Variants in CPSF7 observed in about 807,000 individuals in gnomAD.
CPSF7 encodes the protein cleavage and polyadenylation specific factor 7.
In CPSF7, 1 loss-of-function variant was observed where a neutral mutation model predicts 44.3. That is an observed-to-expected ratio of 0.02 (90% CI 0.01 to 0.11). The LOEUF (loss-of-function observed/expected upper bound fraction) is 0.11, where lower values mean the gene tolerates loss of function less well. Among genes scored for constraint, CPSF7 ranks in the 10% least tolerant of loss-of-function variants. The probability of loss-of-function intolerance (pLI) is 1.00; values close to 1 mark genes in which losing one functional copy is unlikely to be tolerated. For synonymous variants in CPSF7, 202 were observed against 222.0 expected, an observed-to-expected ratio of 0.91 and a Z score of 0.80; for missense variants, 443 against 607.2, an observed-to-expected ratio of 0.73 and a Z score of 2.84.
At chr11:61,425,367 T>C (rs990922941) in intron 2 of CPSF7, among the ~76,000 whole-genome samples, 2 of 152,230 alleles carry the variant, frequency 1.3e-5, no homozygotes, top group Non-Finnish European at 2.9e-5. Flanking sequence ...ACAAATTAAG[T>C]GAAAAGTACA....
Position 61,416,212 on chromosome 11 carries a change from T to C in CPSF7, c.831A>G (p.Pro277=). The part of the protein sequence containing the change: ...HLAVPPPGAI[P]PALHLNPAFF... Reference sequence around the variant, plus strand: ...AGGCTGGATTGAGGTGAAGGGCAGGTGGGATGGCCCCAGGGGGAGGTACAG... The same window carrying C: ...AGGCTGGATTGAGGTGAAGGGCAGGCGGGATGGCCCCAGGGGGAGGTACAG... Residue 277 remains proline (P), a synonymous_variant, in exon 6 of 10, where the codon CCA becomes CCG. Coordinates refer to ENST00000439958, the MANE Select transcript of CPSF7 (RefSeq NM_001142565.3). 1 of 1,527,420 alleles carries C rather than the reference T, an allele frequency of 6.5e-7. No individual in the cohort carries two copies. Among genetic ancestry groups the C allele is most frequent in the Non-Finnish European group, 8.8e-7 (1 of 1,139,992 alleles). The allele number at this position is 1,527,420 out of a possible 1,614,324, so 94.6% of individuals were successfully genotyped here.
intron 5 of CPSF7, among the ~76,000 whole-genome samples, chr11:61,417,629 T>C (rs1409009969): frequency 6.6e-6 from 1 of 152,154 alleles, no homozygotes; most frequent in African/African-American, 2.4e-5. Flanking sequence ...CCTAGATTTC[T>C]CTTACAGAAC....
intron 3 of CPSF7, chr11:61,420,850 A>C (rs981273886): frequency 3.9e-6 from 2 of 515,362 alleles, no homozygotes; most frequent in Non-Finnish European, 3.5e-6. Flanking sequence ...TCAAACATTG[A>C]CAGCTAGCAA....
At chr11:61,416,049 A>C (rs994303019) in intron 6 of CPSF7, 56 bp downstream of exon 6, 11 of 1,402,248 alleles carry the variant, frequency 7.8e-6, no homozygotes, top group Non-Finnish European at 9.6e-6. Flanking sequence ...GGAGAATAAA[A>C]TGCTTAATAC....
At chr11:61,415,216 C>T (rs576117963) in intron 7 of CPSF7, among the ~76,000 whole-genome samples, 3 of 152,152 alleles carry the variant, frequency 2.0e-5, no homozygotes, top group East Asian at 3.9e-4. Context: ...CCAGCCTGGG[C>T]GACAGGGCAA....
At chr11:61,408,057 CTTTTTT>C (rs111594039) in intron 9 of CPSF7, among the ~76,000 whole-genome samples, 2 of 137,762 alleles carry the variant, frequency 1.5e-5, no homozygotes, top group Admixed American at 7.3e-5. Flanking sequence ...TCAAGGACAT[CTTTTTT>C]TTTTTTTTTT....
intron 5 of CPSF7, among the ~76,000 whole-genome samples, chr11:61,418,376 C>T (rs1860535415): frequency 6.6e-6 from 1 of 152,128 alleles, no homozygotes; most frequent in East Asian, 1.9e-4. Context: ...TTTATGAGGT[C>T]AGGAAAATCC....
intron 5 of CPSF7, among the ~76,000 whole-genome samples, chr11:61,419,255 C>T (rs1312950775): frequency 6.6e-6 from 1 of 152,156 alleles, no homozygotes; most frequent in Non-Finnish European, 1.5e-5. Context: ...AACTCTTGAC[C>T]TCGTGATCCA....
intron 9 of CPSF7, among the ~76,000 whole-genome samples, chr11:61,407,543 C>T (rs1386386815): frequency 2.0e-5 from 3 of 152,166 alleles, no homozygotes; most frequent in Admixed American, 2.0e-4. Flanking sequence ...GGCATCTCCC[C>T]AAACTCAACC....
At chr11:61,408,073 T>G (rs2135249143) in intron 9 of CPSF7, among the ~76,000 whole-genome samples, 1 of 151,674 alleles carries the variant, frequency 6.6e-6, no homozygotes, top group East Asian at 1.9e-4. Context: ...TTTTTTTTTT[T>G]TGAGACAGAG....
chr11:61,408,293 G>C (rs755692707), intron 9 of CPSF7, among the ~76,000 whole-genome samples: 4 of 152,008 alleles, frequency 2.6e-5, no homozygotes, highest in Non-Finnish European at 5.9e-5. Flanking sequence ...GGTCGGGATA[G>C]AGACGGGGTT....
chr11:61,416,663 T>G, intron 5 of CPSF7, 144 bp from the exon 6 acceptor site: 1 of 811,552 alleles, frequency 1.2e-6, no homozygotes, highest in Non-Finnish European at 1.9e-6. Flanking sequence ...CTGCCTTTTT[T>G]TTGGCTTCAG....
intron 8 of CPSF7, 61 bp from the exon 9 acceptor site, chr11:61,411,166 G>A: frequency 6.7e-7 from 1 of 1,496,482 alleles, no homozygotes; most frequent in Non-Finnish European, 9.0e-7. Flanking sequence ...CAAGAATGTG[G>A]TGTTTTGGTG....
At chr11:61,428,746 T>A (rs192437018) in intron 2 of CPSF7, among the ~76,000 whole-genome samples, 1 of 152,352 alleles carries the variant, frequency 6.6e-6, no homozygotes, top group African/African-American at 2.4e-5. Flanking sequence ...AAAGTCATCT[T>A]TTCTACTTTG....
In CPSF7 at chr11:61,403,310, G is replaced by C. The variant is rs1317808456; in HGVS notation, c.*1400C>G. The C allele has an allele frequency of 6.6e-6, 1 of 152,128 alleles. No individual in the cohort carries two copies. Among genetic ancestry groups the C allele is most frequent in the African/African-American group, 2.4e-5 (1 of 41,430 alleles). 9.4% of individuals were successfully genotyped at this position (152,128 alleles called of 1,614,324 possible). A position where few individuals can be genotyped will look rare whatever the true frequency, so the allele number is the denominator to read the frequency against. On this transcript the variant is annotated 3_prime_UTR_variant, in exon 10 of 10. Transcript: ENST00000439958. Reference sequence around the variant, plus strand: ...ATCTCACATGCCACGTCTCATGTTAGGTGTCAGATGCCCTGTAGATGCATG... The same window carrying C: ...ATCTCACATGCCACGTCTCATGTTACGTGTCAGATGCCCTGTAGATGCATG...
chr11:61,414,061 G>C (rs913851364), intron 7 of CPSF7, among the ~76,000 whole-genome samples: 1 of 152,000 alleles, frequency 6.6e-6, no homozygotes, highest in South Asian at 2.1e-4. Flanking sequence ...GAGGAAGAAG[G>C]AACAATGAGT....
intron 2 of CPSF7, among the ~76,000 whole-genome samples, chr11:61,423,423 G>A (rs911384669): frequency 8.6e-5 from 13 of 151,802 alleles, no homozygotes; most frequent in East Asian, 3.9e-4. Flanking sequence ...TGCCCACCTC[G>A]GCCTCCCAAA....
At chr11:61,418,230 A>G (rs760661902) in intron 5 of CPSF7, among the ~76,000 whole-genome samples, 7 of 152,226 alleles carry the variant, frequency 4.6e-5, no homozygotes, top group Admixed American at 3.9e-4. Flanking sequence ...CCCAATCAAT[A>G]CAAGGCACTA....
In CPSF7 at chr11:61,419,894, C is replaced by G. The variant is rs768456315; in HGVS notation, c.523+55G>C. Reference sequence around the variant, plus strand: ...ATAGAAAACAAACCCACAAACACCCCCCCCTCATACAGATGGTCTCCACGT... The same window carrying G: ...ATAGAAAACAAACCCACAAACACCCGCCCCTCATACAGATGGTCTCCACGT... On this transcript the variant is annotated intron_variant, in intron 5 of 9. Coordinates refer to ENST00000439958, the MANE Select transcript of CPSF7 (RefSeq NM_001142565.3). The G allele has an allele frequency of 4.4e-6, 7 of 1,594,902 alleles. No individual in the cohort carries two copies. In the African/African-American group the frequency reaches 5.4e-5, roughly 12 times the overall value.
Sources: allele counts gnomAD v4.1 joint callset (sites outside exome capture counted in the v4.1 genomes callset), GRCh38; gene constraint gnomAD v4.1.1; transcripts MANE v1.5; gene names NCBI Gene and HGNC (gene_info 2026-07-23, HGNC 2026-07-21).